Variants in HDAC9 observed in about 807,000 individuals in gnomAD.
HDAC9 encodes the protein MEF-2 interacting transcription repressor (MITR) protein.
HDAC9 carries 41 observed loss-of-function variants against 139.4 expected under a neutral mutation model. The ratio of observed to expected loss-of-function variants is 0.29; its 90% confidence interval spans 0.23 to 0.38. The LOEUF is 0.38. Among genes scored for constraint, HDAC9 ranks in the 10% least tolerant of loss-of-function variants. HDAC9 has a pLI of 1.00. For synonymous variants in HDAC9, 517 were observed against 476.2 expected, an observed-to-expected ratio of 1.09 and a Z score of -1.12; for missense variants, 1,147 against 1,297.0, an observed-to-expected ratio of 0.88 and a Z score of 1.78.
intron 8 of HDAC9, among the ~76,000 whole-genome samples, chr7:18,640,155 C>T (rs1455762804): frequency 1.3e-5 from 2 of 150,706 alleles, no homozygotes; most frequent in South Asian, 2.1e-4. Context: ...CTCAGCAATT[C>T]GGGAGGCTGA....
At chr7:18,305,067 C>T (rs1393316571) in intron 1 of HDAC9, among the ~76,000 whole-genome samples, 3 of 152,200 alleles carry the variant, frequency 2.0e-5, no homozygotes, top group Admixed American at 6.5e-5. Flanking sequence ...ACTCTTCCTT[C>T]AGGGCAGGAA....
At position 18,894,346 on chromosome 7, in the gene HDAC9, G is replaced by A. The variant is rs577962087; in HGVS notation, c.2803+19750G>A. 1.0e-3 allele frequency among the ~76,000 whole-genome samples: 157 copies of A among 152,236 alleles called. 1 individual carries two copies. Among genetic ancestry groups the A allele is most frequent in the African/African-American group, 3.7e-3 (152 of 41,538 alleles). ...TAACATTATGACATTGGAGCCATGA[G>A]GGGGAGCCATATGAAGCCTGATTGA... On this transcript the variant is annotated intron_variant, in intron 22 of 25. Transcript: ENST00000686413.
At chr7:18,838,405 G>A (rs2129212963) in intron 21 of HDAC9, among the ~76,000 whole-genome samples, 2 of 152,166 alleles carry the variant, frequency 1.3e-5, no homozygotes, top group South Asian at 4.1e-4. Context: ...GAGAAGAGGA[G>A]TTGGAGTCGG....
chr7:18,159,835 A>G (rs1174864265), intron 1 of HDAC9, among the ~76,000 whole-genome samples: 2 of 152,204 alleles, frequency 1.3e-5, no homozygotes, highest in African/African-American at 2.4e-5. Context: ...TGTTAGACCA[A>G]TGTGTCATGT....
intron 23 of HDAC9, among the ~76,000 whole-genome samples, chr7:18,945,595 C>G (rs1000466553): frequency 1.3e-5 from 2 of 152,210 alleles, no homozygotes; most frequent in African/African-American, 4.8e-5. Flanking sequence ...TTTATTCTTT[C>G]CTTCCTCTTT....
chr7:18,443,783 T>C (rs1396665604), intron 1 of HDAC9, among the ~76,000 whole-genome samples: 1 of 151,882 alleles, frequency 6.6e-6, no homozygotes, highest in Non-Finnish European at 1.5e-5. Context: ...ATGTTCTTTC[T>C]CTCCCTCTCT....
intron 16 of HDAC9, among the ~76,000 whole-genome samples, chr7:18,772,062 G>C (rs369046307): frequency 2.0e-5 from 3 of 152,236 alleles, no homozygotes; most frequent in East Asian, 3.9e-4. Flanking sequence ...CATTGGGCTG[G>C]TTCAGAAAAA....
Position 18,912,401 on chromosome 7 carries a change from T to C in HDAC9, c.2804-23408T>C, listed in dbSNP as rs142443015. Among the ~76,000 whole-genome samples the C allele has an allele frequency of 3.2e-4, 49 of 152,252 alleles. 1 individual carries two copies. The East Asian group carries it at 8.5e-3, about 26-fold the overall frequency. ...TATAAAAGTATCCAATAAGTGGGTA[T>C]AAGTATTAATATTAAATTTGTTTTC... On this transcript the variant is annotated intron_variant, in intron 22 of 25. Transcript: ENST00000686413.
intron 1 of HDAC9, among the ~76,000 whole-genome samples, chr7:18,467,644 G>T (rs1045681759): frequency 1.3e-5 from 2 of 152,096 alleles, no homozygotes; most frequent in African/African-American, 2.4e-5. Flanking sequence ...AAGTTGCCAA[G>T]ATATTACAGT....
intron 17 of HDAC9, among the ~76,000 whole-genome samples, chr7:18,817,958 G>C (rs1273241066): frequency 6.6e-6 from 1 of 152,108 alleles, no homozygotes; most frequent in African/African-American, 2.4e-5. Context: ...AGCAAAAAAT[G>C]CTTCTTAAAG....
chr7:18,891,411 T>C (rs1175169580), intron 22 of HDAC9, among the ~76,000 whole-genome samples: 1 of 152,230 alleles, frequency 6.6e-6, no homozygotes, highest in African/African-American at 2.4e-5. Flanking sequence ...CTAAGGATCC[T>C]GATGGTTATT....
intron 14 of HDAC9, among the ~76,000 whole-genome samples, chr7:18,753,296 A>G (rs542691737): frequency 6.6e-6 from 1 of 152,212 alleles, no homozygotes; most frequent in Admixed American, 6.6e-5. Context: ...AAAATGAGGA[A>G]GATTGTGGTC....
At chr7:18,956,781 T>C (rs528038736) in intron 24 of HDAC9, among the ~76,000 whole-genome samples, 1 of 151,958 alleles carries the variant, frequency 6.6e-6, no homozygotes, top group African/African-American at 2.4e-5. Context: ...CACTTGACAG[T>C]GATTGGTTAA....
intron 1 of HDAC9, among the ~76,000 whole-genome samples, chr7:18,108,732 C>T (rs1056303776): frequency 7.9e-5 from 12 of 151,006 alleles, no homozygotes; most frequent in African/African-American, 2.9e-4. Context: ...AGCGATTCTC[C>T]TGCCTCAGCT....
intron 12 of HDAC9, chr7:18,667,143 A>G: frequency 1.0e-6 from 1 of 985,168 alleles, no homozygotes; most frequent in Non-Finnish European, 1.2e-6. Flanking sequence ...ACTACTTTAA[A>G]TATTAGATTA....
At chr7:18,935,737 C>A in intron 22 of HDAC9, 72 bp from the exon 23 acceptor site, 1 of 1,381,654 alleles carries the variant, frequency 7.2e-7, no homozygotes, top group Non-Finnish European at 1.0e-6. Flanking sequence ...AAAATACATG[C>A]TCAATGTTAG....
intron 12 of HDAC9, among the ~76,000 whole-genome samples, chr7:18,688,316 A>G (rs977596568): frequency 3.3e-5 from 5 of 151,810 alleles, no homozygotes; most frequent in Non-Finnish European, 5.9e-5. Flanking sequence ...TTGACTGCTG[A>G]CACCGGGAAT....
chr7:18,484,975 C>T (rs1324855744), intron 1 of HDAC9, among the ~76,000 whole-genome samples: 1 of 152,044 alleles, frequency 6.6e-6, no homozygotes, highest in Non-Finnish European at 1.5e-5. Context: ...TGAGAATTTC[C>T]TTCAGACATA....
At chr7:18,567,472 G>A (rs541847518) in intron 2 of HDAC9, among the ~76,000 whole-genome samples, 2 of 152,030 alleles carry the variant, frequency 1.3e-5, no homozygotes, top group African/African-American at 4.8e-5. Flanking sequence ...TTAAAAGCTT[G>A]AACTTAAAAT....
Sources: gnomAD v4.1 joint callset for allele counts (sites outside exome capture counted in the v4.1 genomes callset) on GRCh38, gnomAD v4.1.1 for gene constraint, MANE v1.5 for transcripts, NCBI Gene and HGNC (gene_info 2026-07-23, HGNC 2026-07-21) for gene names.